PPP6R3: variants seen among roughly 807,000 people sequenced by gnomAD.
The protein encoded by PPP6R3 is serine/threonine-protein phosphatase 6 regulatory subunit 3.
PPP6R3 carries 38 observed loss-of-function variants against 110.7 expected under a neutral mutation model. That is an observed-to-expected ratio of 0.34 (90% CI 0.26 to 0.45). PPP6R3 has a LOEUF of 0.45. Among genes scored for constraint, PPP6R3 ranks in the 20% least tolerant of loss-of-function variants. The probability of loss-of-function intolerance (pLI) is 1.00; values close to 1 mark genes in which losing one functional copy is unlikely to be tolerated. For synonymous variants in PPP6R3, 369 were observed against 373.5 expected (o/e 0.99, Z 0.14); for missense variants, 870 against 1,062.4 (o/e 0.82, Z 2.52).
intron 19 of PPP6R3, among the ~76,000 whole-genome samples, chr11:68,599,559 A>G (rs1017320262): frequency 1.3e-5 from 2 of 152,268 alleles, no homozygotes; most frequent in Non-Finnish European, 2.9e-5. Context: ...TCAGACCCGG[A>G]CTGGGAAGCA....
chr11:68,548,523 G>C (rs920927654), intron 5 of PPP6R3, among the ~76,000 whole-genome samples: 2 of 152,140 alleles, frequency 1.3e-5, no homozygotes, highest in African/African-American at 4.8e-5. Context: ...AGCTGGTTCT[G>C]ATGGTAAAAG....
intron 1 of PPP6R3, among the ~76,000 whole-genome samples, chr11:68,461,148 G>C (rs906303132): frequency 2.7e-5 from 4 of 150,686 alleles, no homozygotes; most frequent in African/African-American, 9.7e-5. Context: ...GCGCGCCCCT[G>C]ACCCGGCTCT....
At chr11:68,521,256 A>G (rs1353845430) in intron 2 of PPP6R3, among the ~76,000 whole-genome samples, 1 of 152,114 alleles carries the variant, frequency 6.6e-6, no homozygotes, top group Non-Finnish European at 1.5e-5. Context: ...CTACATTTTA[A>G]GTATTTTGTG....
At chr11:68,592,686 C>T (rs1019828247) in intron 18 of PPP6R3, among the ~76,000 whole-genome samples, 2 of 152,178 alleles carry the variant, frequency 1.3e-5, no homozygotes, top group Non-Finnish European at 2.9e-5. Flanking sequence ...GAGTTATCTC[C>T]TATGATCACA....
At chr11:68,485,273 CTTTTTTT>C (rs34482880) in intron 1 of PPP6R3, among the ~76,000 whole-genome samples, 2 of 84,744 alleles carry the variant, frequency 2.4e-5, no homozygotes, top group African/African-American at 8.8e-5. Context: ...AGTTCTGGGA[CTTTTTTT>C]TTTTTTTTTT....
chr11:68,566,668 C>G (rs2099472782), intron 9 of PPP6R3, among the ~76,000 whole-genome samples: 1 of 152,092 alleles, frequency 6.6e-6, no homozygotes, highest in South Asian at 2.1e-4. Flanking sequence ...GCCATAACTT[C>G]TTTTAGTTTA....
chr11:68,542,389 G>GTTTGTTTTTTTT (rs2099321682), intron 3 of PPP6R3, among the ~76,000 whole-genome samples: 1 of 40,190 alleles, frequency 2.5e-5, no homozygotes, highest in Non-Finnish European at 4.1e-5. Context: ...AGAAGCTGCT[G>GTTTGTTTTTTTT]TTTTTTTTTT....
intron 23 of PPP6R3, among the ~76,000 whole-genome samples, chr11:68,610,709 C>G (rs920034135): frequency 6.6e-6 from 1 of 152,162 alleles, no homozygotes; most frequent in Non-Finnish European, 1.5e-5. Flanking sequence ...TGAGGCTGCA[C>G]CCCTGGGCCA....
At chr11:68,558,151 C>G (rs911348502) in intron 7 of PPP6R3, 3 of 152,766 alleles carry the variant, frequency 2.0e-5, no homozygotes, top group South Asian at 2.1e-4. Context: ...TTCTAATTAG[C>G]CTTTCTGAAC....
At chr11:68,514,313 C>T (rs555514231) in intron 1 of PPP6R3, among the ~76,000 whole-genome samples, 13 of 152,174 alleles carry the variant, frequency 8.5e-5, no homozygotes, top group African/African-American at 2.4e-4. Flanking sequence ...GCATTCCACC[C>T]GTCAGAGCCT....
Position 68,599,093 on chromosome 11 carries a change from C to T in PPP6R3, c.2039-1248C>T, listed in dbSNP as rs755002300. Among the ~76,000 whole-genome samples the T allele has an allele frequency of 4.6e-5, 7 of 152,200 alleles. No homozygotes were observed. In the East Asian group the frequency reaches 5.8e-4, roughly 13 times the overall value. On this transcript the variant is annotated intron_variant, in intron 19 of 23. Coordinates refer to ENST00000393800, the MANE Select transcript of PPP6R3 (RefSeq NM_001164161.2). The stretch of plus-strand genomic sequence containing the variant: ...AAACTCAGAACATTTCTATTCTACA[C>T]GGGTACTTCTTAATCTTAGTCACTT...
At chr11:68,533,704 C>CAA (rs58617776) in intron 2 of PPP6R3, among the ~76,000 whole-genome samples, 174 of 56,098 alleles carry the variant, frequency 3.1e-3, no homozygotes, top group African/African-American at 8.9e-3. Flanking sequence ...GACCTTGTCT[C>CAA]AAAAAAAAAA....
chr11:68,588,908 A>G (rs550571206), intron 16 of PPP6R3, among the ~76,000 whole-genome samples: 2 of 152,208 alleles, frequency 1.3e-5, no homozygotes, highest in East Asian at 3.9e-4. Flanking sequence ...AGTATTATCT[A>G]TAAAGTCCTT....
At chr11:68,501,008 C>T (rs1212631596) in intron 1 of PPP6R3, among the ~76,000 whole-genome samples, 1 of 152,192 alleles carries the variant, frequency 6.6e-6, no homozygotes, top group Non-Finnish European at 1.5e-5. Flanking sequence ...ATCTTGAGTG[C>T]ATCACGCCCT....
chr11:68,515,786 G>A lies in PPP6R3; in HGVS notation c.-157-3715G>A, dbSNP rs999948933. ...CCTTTCTCCAAATATAACCATGCTGGGAGTTAGGACTTCAACATATGAGTG... is the reference window on the plus strand; with the variant it reads ...CCTTTCTCCAAATATAACCATGCTGAGAGTTAGGACTTCAACATATGAGTG... On this transcript the variant is annotated intron_variant, in intron 1 of 23. Coordinates refer to ENST00000393800, the MANE Select transcript of PPP6R3 (RefSeq NM_001164161.2). 2.6e-5 allele frequency among the ~76,000 whole-genome samples: 4 copies of A among 152,262 alleles called. No homozygotes were observed. In the East Asian group the frequency reaches 7.7e-4, roughly 29 times the overall value.
chr11:68,583,196 A>G (rs753528131), intron 15 of PPP6R3, 67 bp downstream of exon 15: 81 of 1,212,772 alleles, frequency 6.7e-5, no homozygotes, highest in Non-Finnish European at 8.7e-5. Flanking sequence ...GCCTTTTATG[A>G]ATCAGCTTCA....
Position 68,571,020 on chromosome 11 carries a change from ATTC to A in PPP6R3, c.1279-17_1279-15del, listed in dbSNP as rs2099502900. On this transcript the variant is annotated splice_polypyrimidine_tract_variant and intron_variant, in intron 11 of 23. Coordinates refer to ENST00000393800, the MANE Select transcript of PPP6R3 (RefSeq NM_001164161.2). ...GATGCTTTGAAGTATTAACTGGAATATTCTTTTTTTTTTTTTCAGCTTTTCCAA... is the reference window on the plus strand; with the variant it reads ...GATGCTTTGAAGTATTAACTGGAATATTTTTTTTTTTTTCAGCTTTTCCAA... 2 of 1,574,472 alleles carry A rather than the reference ATTC, an allele frequency of 1.3e-6. No homozygotes were observed. Among genetic ancestry groups the A allele is most frequent in the African/African-American group, 2.8e-5 (2 of 72,090 alleles).
chr11:68,536,316 C>T (rs2099270674), intron 2 of PPP6R3, among the ~76,000 whole-genome samples: 2 of 151,460 alleles, frequency 1.3e-5, no homozygotes, highest in African/African-American at 4.9e-5. Flanking sequence ...GAAACAGGGT[C>T]CTCACCCTGT....
chr11:68,507,210 T>G (rs2099083053), intron 1 of PPP6R3, among the ~76,000 whole-genome samples: 2 of 152,036 alleles, frequency 1.3e-5, no homozygotes, highest in Admixed American at 6.6e-5. Flanking sequence ...TGGATTTACT[T>G]TGGGTGTTTT....
Sources: gnomAD v4.1 joint callset for allele counts (sites outside exome capture counted in the v4.1 genomes callset) on GRCh38, gnomAD v4.1.1 for gene constraint, MANE v1.5 for transcripts, NCBI Gene and HGNC (gene_info 2026-07-23, HGNC 2026-07-21) for gene names.